Variants in DDR2 observed in about 807,000 individuals in gnomAD.
DDR2 encodes discoidin domain-containing receptor 2.
Under a neutral mutation model 94.9 loss-of-function variants are expected in DDR2, and 27 were observed. That is an observed-to-expected ratio of 0.28 (90% CI 0.21 to 0.39). The LOEUF (loss-of-function observed/expected upper bound fraction) is 0.39. DDR2 is among the 10% of genes least tolerant of loss of function. The pLI is 1.00. For missense variants in DDR2, 783 were observed against 1,076.0 expected (o/e 0.73, Z 3.81); for synonymous variants, 382 against 377.2 (o/e 1.01, Z -0.15).
rs1330685860 is a variant in DDR2 at position 162,780,321 on chromosome 1, C to T, written c.*75C>T. ...ACCTACCACTCACCCATGCCTATGC[C>T]ACTCCATCTGGACATTTAATGAAAC... On this transcript the variant is annotated 3_prime_UTR_variant, in exon 18 of 18. Coordinates refer to ENST00000367921, the MANE Select transcript of DDR2 (RefSeq NM_006182.4). 12 of 1,601,312 alleles carry T rather than the reference C, an allele frequency of 7.5e-6. No individual in the cohort carries two copies. The highest frequency in any genetic ancestry group is 8.5e-6 in the Non-Finnish European group (10 of 1,171,430).
At chr1:162,763,329 C>T (rs1329516126) in intron 9 of DDR2, among the ~76,000 whole-genome samples, 5 of 134,316 alleles carry the variant, frequency 3.7e-5, no homozygotes, top group African/African-American at 8.3e-5. Flanking sequence ...CCTGCTACCA[C>T]GCCCGGCTTT....
chr1:162,780,266 T>G lies in DDR2; in HGVS notation c.*20T>G. 6.2e-7 allele frequency: 1 copy of G among 1,613,670 alleles called. No homozygotes were observed. Among genetic ancestry groups the G allele is most frequent in the East Asian group, 2.2e-5 (1 of 44,860 alleles). On this transcript the variant is annotated 3_prime_UTR_variant, in exon 18 of 18. Coordinates refer to ENST00000367921, the MANE Select transcript of DDR2 (RefSeq NM_006182.4). The stretch of plus-strand genomic sequence containing the variant: ...GAGTGATGCTGTCAGTGCCTGGCCA[T>G]GTTCCTACGGCTCAGGTCCTCCCTA...
intron 2 of DDR2, 77 bp from the exon 3 acceptor site, chr1:162,718,960 A>G: frequency 1.4e-6 from 2 of 1,385,472 alleles, no homozygotes; most frequent in Non-Finnish European, 2.0e-6. Flanking sequence ...AATTGTACTC[A>G]TTCATGTTGG....
chr1:162,750,031 A>G (rs1663101453), intron 3 of DDR2, among the ~76,000 whole-genome samples: 1 of 152,226 alleles, frequency 6.6e-6, no homozygotes, highest in African/African-American at 2.4e-5. Context: ...ACGCACAGCC[A>G]ATATCATACT....
chr1:162,673,600 TGTGTGTGTGA>T (rs1658979577), intron 2 of DDR2, among the ~76,000 whole-genome samples: 7 of 131,810 alleles, frequency 5.3e-5, no homozygotes, highest in African/African-American at 2.2e-4. Flanking sequence ...TGTGTATGTG[TGTGTGTGTGA>T]GAGAGAGAGA....
chr1:162,680,423 T>A (rs1156472408), intron 2 of DDR2, among the ~76,000 whole-genome samples: 1 of 152,226 alleles, frequency 6.6e-6, no homozygotes, highest in East Asian at 1.9e-4. Context: ...TTGTTGATTT[T>A]GTTGAAGATC....
intron 3 of DDR2, among the ~76,000 whole-genome samples, chr1:162,729,294 ATATATATTTTTT>A (rs1349473427): frequency 1.7e-4 from 5 of 30,032 alleles, no homozygotes; most frequent in East Asian, 4.4e-4. Flanking sequence ...ATATATATAT[ATATATATTTTTT>A]TTTTTTTTTT....
At chr1:162,683,926 T>C (rs1462318581) in intron 2 of DDR2, among the ~76,000 whole-genome samples, 5 of 152,146 alleles carry the variant, frequency 3.3e-5, no homozygotes, top group Admixed American at 6.5e-5. Context: ...GGAACCATAA[T>C]AGCTAGAACA....
Position 162,679,624 on chromosome 1 carries a change from G to A in DDR2, c.-28+24250G>A, listed in dbSNP as rs200944478. On this transcript the variant is annotated intron_variant, in intron 2 of 17. Transcript: ENST00000367921. ...GCTGCAATGAACATGTGTCTTTATGGTAGAACAATTTATAGCCCTTTGGGT... is the reference window on the plus strand; with the variant it reads ...GCTGCAATGAACATGTGTCTTTATGATAGAACAATTTATAGCCCTTTGGGT... Among the ~76,000 whole-genome samples the A allele has an allele frequency of 8.5e-5, 13 of 152,050 alleles. No individual in the cohort carries two copies. In the East Asian group the frequency reaches 2.3e-3, roughly 27 times the overall value.
chr1:162,669,372 A>G (rs576170995), intron 2 of DDR2, among the ~76,000 whole-genome samples: 2 of 152,374 alleles, frequency 1.3e-5, no homozygotes, highest in African/African-American at 4.8e-5. Context: ...TTCAAAGGCT[A>G]TGAAACAATG....
intron 3 of DDR2, among the ~76,000 whole-genome samples, chr1:162,748,335 G>A (rs1409079048): frequency 1.3e-5 from 2 of 152,086 alleles, no homozygotes; most frequent in Non-Finnish European, 2.9e-5. Context: ...AACAAAAAAA[G>A]GCAGGGGTTG....
At chr1:162,679,349 C>T (rs1659286152) in intron 2 of DDR2, among the ~76,000 whole-genome samples, 1 of 151,880 alleles carries the variant, frequency 6.6e-6, no homozygotes, top group Middle Eastern at 3.4e-3. Flanking sequence ...ATCATGTTCT[C>T]TGACATGGAA....
In DDR2 at chr1:162,755,524, C is replaced by G. The variant is rs1663418440; in HGVS notation, c.566-140C>G. The stretch of plus-strand genomic sequence containing the variant: ...TTACGTTGACTGCCATGGAGGGGCA[C>G]TCCTCCAAAGTCTTCCCTCGGTGTC... On this transcript the variant is annotated intron_variant, in intron 6 of 17. Transcript: ENST00000367921. The G allele has an allele frequency of 1.2e-5, 12 of 1,031,758 alleles. No homozygotes were observed. In the South Asian group the frequency reaches 1.4e-4, roughly 12 times the overall value. 63.9% of individuals were successfully genotyped at this position (1,031,758 alleles called of 1,614,324 possible).
In DDR2 at chr1:162,780,455, GAA is replaced by G; in HGVS notation, c.*218_*219del. The stretch of plus-strand genomic sequence containing the variant: ...TTTTTACATTAAAGAACTAAAAAAG[GAA>G]AAAAAAAAGCCTAGGGCAGATACAA... On this transcript the variant is annotated 3_prime_UTR_variant, in exon 18 of 18. Coordinates refer to ENST00000367921, the MANE Select transcript of DDR2 (RefSeq NM_006182.4). 2 of 480,318 alleles carry G rather than the reference GAA, an allele frequency of 4.2e-6. No homozygotes were observed. Among genetic ancestry groups the G allele is most frequent in the East Asian group, 3.9e-5 (1 of 25,454 alleles). 29.8% of individuals were successfully genotyped at this position (480,318 alleles called of 1,614,324 possible).
intron 2 of DDR2, among the ~76,000 whole-genome samples, chr1:162,664,368 T>A (rs1296523199): frequency 6.6e-6 from 1 of 152,076 alleles, no homozygotes; most frequent in Non-Finnish European, 1.5e-5. Flanking sequence ...ATATTTGACT[T>A]AGGAACTTTA....
At chr1:162,714,625 T>C (rs1661075962) in intron 2 of DDR2, among the ~76,000 whole-genome samples, 1 of 152,228 alleles carries the variant, frequency 6.6e-6, no homozygotes, top group South Asian at 2.1e-4. Context: ...AGGCCTTTGC[T>C]GGCCACCTTA....
chr1:162,680,530 AC>A (rs1208786680), intron 2 of DDR2, among the ~76,000 whole-genome samples: 1 of 152,180 alleles, frequency 6.6e-6, no homozygotes, highest in Non-Finnish European at 1.5e-5. Flanking sequence ...TGTTTTGGTT[AC>A]TACAGCCCTG....
At chr1:162,638,883 AT>A (rs1226212464) in intron 1 of DDR2, among the ~76,000 whole-genome samples, 2 of 152,238 alleles carry the variant, frequency 1.3e-5, no homozygotes, top group Non-Finnish European at 2.9e-5. Context: ...ATCAATGGAA[AT>A]TAAAAATAAG....
rs1219740609 is a variant in DDR2 at position 162,770,422 on chromosome 1, G to A, written c.1414G>A (p.Asp472Asn). The change falls in exon 12 of 18, where the codon GAT becomes AAT. Residue 472 changes from aspartate to asparagine, a missense_variant. Physicochemically the swap from Asp to Asn is conservative, Grantham distance 23 (BLOSUM62 1). This residue lies in a region of DDR2 where 519 missense variants were observed against 647.9 expected (regional missense o/e 0.80). Transcript: ENST00000367921. ...TGAACAAGGGTCCAACTCGACTTAC[G>A]ATCGCATCTTTCCCCTTCGCCCTGA... Reference protein sequence around the residue: ...PSEQGSNSTYDRIFPLRPDYQ... With the variant: ...PSEQGSNSTYNRIFPLRPDYQ... 6 of 1,614,006 alleles carry A rather than the reference G, an allele frequency of 3.7e-6. No homozygotes were observed. The highest frequency in any genetic ancestry group is 2.2e-5 in the East Asian group (1 of 44,864).
Sources: allele counts gnomAD v4.1 joint callset (sites outside exome capture counted in the v4.1 genomes callset), GRCh38; gene constraint gnomAD v4.1.1; regional missense constraint gnomAD v4.1.1; transcripts MANE v1.5; gene names NCBI Gene and HGNC (gene_info 2026-07-23, HGNC 2026-07-21).